Variants in DPP8 observed in about 807,000 individuals in gnomAD.
DPP8 encodes dipeptidyl peptidase 8.
Under a neutral mutation model 107.5 loss-of-function variants are expected in DPP8, and 31 were observed. The ratio of observed to expected loss-of-function variants is 0.29; its 90% confidence interval spans 0.22 to 0.39. The LOEUF (loss-of-function observed/expected upper bound fraction) is 0.39. DPP8 is among the 10% of genes least tolerant of loss of function. The pLI is 1.00. For synonymous variants in DPP8, 381 were observed against 356.6 expected (o/e 1.07, Z -0.77); for missense variants, 842 against 1,076.1 (o/e 0.78, Z 3.04).
intron 7 of DPP8, among the ~76,000 whole-genome samples, chr15:65,486,625 C>A (rs1334739789): frequency 2.2e-4 from 4 of 18,498 alleles, no homozygotes; most frequent in Admixed American, 1.7e-3. Context: ...AGTATATATA[C>A]AACATGGAAT....
chr15:65,473,990 G>C (rs2066151224), intron 12 of DPP8, among the ~76,000 whole-genome samples: 3 of 152,092 alleles, frequency 2.0e-5, no homozygotes, highest in African/African-American at 7.2e-5. Context: ...TGTAATCCCA[G>C]CTACTTGGGA....
chr15:65,450,332 T>A (rs2063885722), intron 19 of DPP8, among the ~76,000 whole-genome samples: 1 of 152,202 alleles, frequency 6.6e-6, no homozygotes, highest in South Asian at 2.1e-4. Flanking sequence ...TGAGAAATAT[T>A]GATTGATATA....
At chr15:65,502,004 C>T (rs2069293153) in intron 3 of DPP8, among the ~76,000 whole-genome samples, 1 of 152,186 alleles carries the variant, frequency 6.6e-6, no homozygotes, top group African/African-American at 2.4e-5. Flanking sequence ...ATTCTCATGC[C>T]TCAGCCTCCT....
intron 5 of DPP8, among the ~76,000 whole-genome samples, chr15:65,492,378 T>C (rs921763022): frequency 6.6e-6 from 1 of 152,044 alleles, no homozygotes; most frequent in African/African-American, 2.4e-5. Flanking sequence ...AGAACATGTG[T>C]TTTTATTTCT....
At chr15:65,468,025 A>G (rs945571870) in intron 12 of DPP8, among the ~76,000 whole-genome samples, 11 of 152,348 alleles carry the variant, frequency 7.2e-5, no homozygotes, top group Admixed American at 2.6e-4. Context: ...ATACTGGTAT[A>G]GTTTACAAAT....
intron 3 of DPP8, among the ~76,000 whole-genome samples, chr15:65,501,581 T>G (rs2069241615): frequency 6.6e-6 from 1 of 152,212 alleles, no homozygotes; most frequent in Non-Finnish European, 1.5e-5. Flanking sequence ...AGATAAAATA[T>G]GTACAATGTT....
chr15:65,504,667 C>CAAAAAAAA (rs371246881), intron 3 of DPP8, among the ~76,000 whole-genome samples: 18 of 108,828 alleles, frequency 1.7e-4, no homozygotes, highest in African/African-American at 6.2e-4. Flanking sequence ...GATTCCGTCT[C>CAAAAAAAA]AAAAAAAAAA....
intron 3 of DPP8, among the ~76,000 whole-genome samples, chr15:65,506,373 A>C (rs1353244767): frequency 1.3e-5 from 2 of 152,120 alleles, no homozygotes; most frequent in African/African-American, 4.8e-5. Flanking sequence ...TCACTGTAAA[A>C]ATAATAATGA....
At position 65,466,575 on chromosome 15, in the gene DPP8, G is replaced by C. The variant is rs889613182; in HGVS notation, c.1825+103C>G. The C allele has an allele frequency of 1.9e-5, 20 of 1,046,862 alleles. No homozygotes were observed. The Admixed American group carries it at 3.6e-4, about 19-fold the overall frequency. 64.8% of individuals were successfully genotyped at this position (1,046,862 alleles called of 1,614,324 possible). A position where few individuals can be genotyped will look rare whatever the true frequency, so the allele number is the denominator to read the frequency against. ...GCAGCTCAGGGACAGGCAGTGGTGA[G>C]AGATGGAAAGACTTGTCCAGGAAAT... On this transcript the variant is annotated intron_variant, in intron 14 of 19. Transcript: ENST00000300141.
At chr15:65,509,410 T>C (rs1436075179) in intron 2 of DPP8, among the ~76,000 whole-genome samples, 2 of 152,200 alleles carry the variant, frequency 1.3e-5, no homozygotes, top group Non-Finnish European at 2.9e-5. Context: ...CTTGGCTTTA[T>C]CCATGACCAG....
Position 65,454,245 on chromosome 15 carries a change from T to C in DPP8, c.2271+18A>G. On this transcript the variant is annotated intron_variant, in intron 17 of 19. Coordinates refer to ENST00000300141, the MANE Select transcript of DPP8 (RefSeq NM_130434.5). ...TCTACCCTTATTGCAAAAATGAGTA[T>C]AATAGGAAGTCACATACCCTGAAGA... 2 of 1,482,452 alleles carry C rather than the reference T, an allele frequency of 1.3e-6. No individual in the cohort carries two copies. Among genetic ancestry groups the C allele is most frequent in the Non-Finnish European group, 1.8e-6 (2 of 1,120,364 alleles). The allele number at this position is 1,482,452 out of a possible 1,614,324, so 91.8% of individuals were successfully genotyped here.
In DPP8 at chr15:65,490,262, T is replaced by C; in HGVS notation, c.753A>G (p.Gly251=). 1 of 1,613,682 alleles carries C rather than the reference T, an allele frequency of 6.2e-7. No homozygotes were observed. The highest frequency in any genetic ancestry group is 1.1e-5 in the South Asian group (1 of 91,072). The change falls in exon 6 of 20, where the codon GGA becomes GGG. Residue 251 remains glycine (G), a synonymous_variant. Coordinates refer to ENST00000300141, the MANE Select transcript of DPP8 (RefSeq NM_130434.5). ...ANMEEDARSA[G]VATFVLQEEF... Reference sequence around the variant, plus strand: ...CTTCTTGGAGAACAAAGGTAGCGACTCCAGCTGATCTGGCATCTTCTTCCA... The same window carrying C: ...CTTCTTGGAGAACAAAGGTAGCGACCCCAGCTGATCTGGCATCTTCTTCCA...
At chr15:65,510,330 ATAAT>A (rs903374206) in intron 2 of DPP8, among the ~76,000 whole-genome samples, 101 of 152,206 alleles carry the variant, frequency 6.6e-4, no homozygotes, top group African/African-American at 2.1e-3. Flanking sequence ...ATAATAATTA[ATAAT>A]TAATTTAAAA....
chr15:65,509,450 T>C (rs1410112284), intron 2 of DPP8, among the ~76,000 whole-genome samples: 1 of 152,252 alleles, frequency 6.6e-6, no homozygotes, highest in Non-Finnish European at 1.5e-5. Context: ...TTCTATGTTC[T>C]GACATAAGCA....
At chr15:65,507,153 T>C (rs1250852416) in intron 3 of DPP8, 90 bp downstream of exon 3, 1 of 652,610 alleles carries the variant, frequency 1.5e-6, no homozygotes, top group African/African-American at 1.9e-5. Context: ...TTTATTTACA[T>C]CTACTTCAAA....
At chr15:65,477,372 G>C (rs2066486688) in intron 11 of DPP8, among the ~76,000 whole-genome samples, 1 of 151,672 alleles carries the variant, frequency 6.6e-6, no homozygotes, top group Admixed American at 6.6e-5. Flanking sequence ...TCCAGCCTGG[G>C]TGACAAGAGC....
At chr15:65,507,855 T>C (rs1450004041) in intron 2 of DPP8, among the ~76,000 whole-genome samples, 1 of 152,142 alleles carries the variant, frequency 6.6e-6, no homozygotes, top group Non-Finnish European at 1.5e-5. Context: ...GATTCCAATA[T>C]AACAACTTCA....
intron 19 of DPP8, among the ~76,000 whole-genome samples, chr15:65,447,915 T>C (rs890559916): frequency 6.6e-6 from 1 of 152,204 alleles, no homozygotes; most frequent in African/African-American, 2.4e-5. Context: ...TTATATGTGA[T>C]TTTAAAAATA....
chr15:65,463,180 A>G (rs982886704), intron 15 of DPP8, among the ~76,000 whole-genome samples: 1 of 152,224 alleles, frequency 6.6e-6, no homozygotes, highest in Non-Finnish European at 1.5e-5. Flanking sequence ...AGAAAGCAAC[A>G]TATTTACCTA....
Sources: gnomAD v4.1 joint callset for allele counts (sites outside exome capture counted in the v4.1 genomes callset) on GRCh38, gnomAD v4.1.1 for gene constraint, MANE v1.5 for transcripts, NCBI Gene and HGNC (gene_info 2026-07-23, HGNC 2026-07-21) for gene names.